The following CNTNAP4 variants were observed in gnomAD, a reference collection of about 807,000 sequenced individuals.
CNTNAP4 encodes the protein contactin-associated protein-like 4.
A neutral mutation model predicts 148.4 loss-of-function variants in CNTNAP4; 98 were observed. That is an observed-to-expected ratio of 0.66 (90% confidence interval 0.56 to 0.78). CNTNAP4 has a LOEUF of 0.78. Among genes scored for constraint, CNTNAP4 ranks in the 30% least tolerant of loss-of-function variants. The pLI, the probability that CNTNAP4 is intolerant of heterozygous loss-of-function variation, is 0.00. For synonymous variants in CNTNAP4, 730 were observed against 565.1 expected (o/e 1.29, Z -4.14); for missense variants, 1,935 against 1,565.6 (o/e 1.24, Z -3.98).
At chr16:76,409,028 A>G (rs938513704) in intron 3 of CNTNAP4, among the ~76,000 whole-genome samples, 5 of 151,956 alleles carry the variant, frequency 3.3e-5, no homozygotes, top group Non-Finnish European at 5.9e-5. Flanking sequence ...TCTTTTTTTC[A>G]TTACTATACA....
At chr16:76,323,671 C>T (rs1597192455) in intron 2 of CNTNAP4, among the ~76,000 whole-genome samples, 1 of 152,244 alleles carries the variant, frequency 6.6e-6, no homozygotes, top group African/African-American at 2.4e-5. Context: ...TGCCCTCCCT[C>T]CTTGGCCCCT....
intron 7 of CNTNAP4, among the ~76,000 whole-genome samples, chr16:76,451,952 C>G (rs1379083032): frequency 6.6e-6 from 1 of 152,026 alleles, no homozygotes; most frequent in African/African-American, 2.4e-5. Context: ...TCCCGATTTG[C>G]TCATTACGTA....
chr16:76,477,268 C>T (rs898481755), intron 11 of CNTNAP4, among the ~76,000 whole-genome samples: 4 of 152,078 alleles, frequency 2.6e-5, no homozygotes, highest in African/African-American at 9.7e-5. Flanking sequence ...CATGTTATTT[C>T]ATTGTCCAGT....
intron 3 of CNTNAP4, among the ~76,000 whole-genome samples, chr16:76,377,512 A>C (rs1462862111): frequency 6.6e-6 from 1 of 152,198 alleles, no homozygotes; most frequent in Non-Finnish European, 1.5e-5. Context: ...GAAATGATTA[A>C]GAAGAAGGTG....
chr16:76,465,658 T>C (rs2081149810), intron 9 of CNTNAP4, among the ~76,000 whole-genome samples: 1 of 152,206 alleles, frequency 6.6e-6, no homozygotes, highest in Non-Finnish European at 1.5e-5. Context: ...ACATTCTTAA[T>C]TGGCTAATAA....
In CNTNAP4 at chr16:76,521,218, C is replaced by T. The variant is rs377030540; in HGVS notation, c.2444C>T (p.Ala815Val). The T allele has an allele frequency of 2.1e-5, 34 of 1,611,744 alleles. No individual in the cohort carries two copies. In the African/African-American group the frequency reaches 2.1e-4, roughly 10 times the overall value. ...CCTACCTTCCACGGAGAACTTAGCGCGGATGTATCTTTCTTTTTTAAGACA... is the reference window on the plus strand; with the variant it reads ...CCTACCTTCCACGGAGAACTTAGCGTGGATGTATCTTTCTTTTTTAAGACA... Reference protein sequence around the residue: ...HFPTFHGELSADVSFFFKTTA... With the variant: ...HFPTFHGELSVDVSFFFKTTA... Residue 815 changes from alanine (A) to valine (V), a missense_variant, in exon 16 of 24, where the codon GCG (alanine) becomes GTG (valine). Coordinates refer to ENST00000611870, the MANE Select transcript of CNTNAP4 (RefSeq NM_033401.5).
At chr16:76,351,970 C>A (rs1185103007) in intron 2 of CNTNAP4, among the ~76,000 whole-genome samples, 1 of 152,158 alleles carries the variant, frequency 6.6e-6, no homozygotes, top group South Asian at 2.1e-4. Context: ...AACATATTCT[C>A]AATTCCAGCT....
chr16:76,529,657 T>G (rs1407020448), intron 17 of CNTNAP4, among the ~76,000 whole-genome samples: 1 of 152,232 alleles, frequency 6.6e-6, no homozygotes, highest in African/African-American at 2.4e-5. Flanking sequence ...ACTTTGTGAC[T>G]CTCACCTGGA....
intron 3 of CNTNAP4, among the ~76,000 whole-genome samples, chr16:76,405,386 T>C (rs2078567536): frequency 6.6e-6 from 1 of 152,214 alleles, no homozygotes; most frequent in South Asian, 2.1e-4. Flanking sequence ...AGTTGACTTT[T>C]GGATAACACA....
intron 3 of CNTNAP4, among the ~76,000 whole-genome samples, chr16:76,394,052 G>C (rs2078115930): frequency 6.6e-6 from 1 of 152,170 alleles, no homozygotes; most frequent in Non-Finnish European, 1.5e-5. Flanking sequence ...AAATCAAATA[G>C]AACAGGGAGA....
chr16:76,439,711 A>G (rs1381421210), intron 4 of CNTNAP4, among the ~76,000 whole-genome samples: 1 of 152,158 alleles, frequency 6.6e-6, no homozygotes, highest in Non-Finnish European at 1.5e-5. Context: ...TTAAAAAGAT[A>G]ATAAGGGCAC....
At chr16:76,444,821 A>G (rs1011156234) in intron 4 of CNTNAP4, among the ~76,000 whole-genome samples, 4 of 152,068 alleles carry the variant, frequency 2.6e-5, no homozygotes, top group African/African-American at 9.7e-5. Flanking sequence ...GTTTTCCTGT[A>G]CTGATAATGT....
chr16:76,309,925 C>T, intron 1 of CNTNAP4: 1 of 701,654 alleles, frequency 1.4e-6, no homozygotes, highest in South Asian at 1.5e-5. Context: ...GGTTAAGTCT[C>T]TTTTTCTTCC....
chr16:76,351,283 G>A (rs952314696), intron 2 of CNTNAP4, among the ~76,000 whole-genome samples: 2 of 151,944 alleles, frequency 1.3e-5, no homozygotes, highest in African/African-American at 2.4e-5. Flanking sequence ...CGGTTTGGCG[G>A]TGGCCATACG....
At chr16:76,343,954 C>T (rs1175337232) in intron 2 of CNTNAP4, among the ~76,000 whole-genome samples, 1 of 152,046 alleles carries the variant, frequency 6.6e-6, no homozygotes. Flanking sequence ...AGGCCAGGAG[C>T]CAGATGGAAC....
chr16:76,447,882 G>A lies in CNTNAP4; in HGVS notation c.539-130G>A, dbSNP rs978074294. The A allele has an allele frequency of 1.7e-5, 11 of 637,492 alleles. No homozygotes were observed. The Middle Eastern group carries it at 1.3e-3, about 74-fold the overall frequency. The allele number at this position is 637,492 out of a possible 1,614,324, so 39.5% of individuals were successfully genotyped here. On this transcript the variant is annotated intron_variant, in intron 4 of 23. Coordinates refer to ENST00000611870, the MANE Select transcript of CNTNAP4 (RefSeq NM_033401.5). ...TTATCAGGATATAACTCCATCATTA[G>A]TTGAGGAGCATCTGTATATGCATGT...
chr16:76,325,278 A>G lies in CNTNAP4; in HGVS notation c.196+8755A>G, dbSNP rs1224401318. 4.6e-5 allele frequency among the ~76,000 whole-genome samples: 7 copies of G among 152,336 alleles called. No homozygotes were observed. The South Asian group carries it at 6.2e-4, about 14-fold the overall frequency. ...AAATTAAAATATGTAATGTATATTT[A>G]TATACTGTGTGTAATGTATATTTAT... is the stretch of plus-strand genomic sequence containing the variant. On this transcript the variant is annotated intron_variant, in intron 2 of 23. Coordinates refer to ENST00000611870, the MANE Select transcript of CNTNAP4 (RefSeq NM_033401.5).
At chr16:76,363,056 A>G (rs889781406) in intron 3 of CNTNAP4, among the ~76,000 whole-genome samples, 2 of 143,294 alleles carry the variant, frequency 1.4e-5, no homozygotes, top group African/African-American at 2.6e-5. Context: ...CCCATGCTCT[A>G]TTAAAAAAAA....
chr16:76,369,013 A>G (rs1256784533), intron 3 of CNTNAP4, among the ~76,000 whole-genome samples: 2 of 151,704 alleles, frequency 1.3e-5, no homozygotes, highest in African/African-American at 4.8e-5. Context: ...AGTAAAAAAT[A>G]AAGCCTTAGT....
Sources: gnomAD v4.1 joint callset for allele counts (sites outside exome capture counted in the v4.1 genomes callset) on GRCh38, gnomAD v4.1.1 for gene constraint, MANE v1.5 for transcripts, NCBI Gene and HGNC (gene_info 2026-07-23, HGNC 2026-07-21) for gene names.